PDXDC1: variants seen among roughly 807,000 people sequenced by gnomAD.
PDXDC1 encodes the protein pyridoxal dependent decarboxylase domain containing 1, also known as pyridoxal-dependent decarboxylase domain-containing protein 1.
Under a neutral mutation model 100.1 loss-of-function variants are expected in PDXDC1, and 42 were observed. The observed-to-expected ratio is 0.42, with a 90% CI of 0.33 to 0.54. PDXDC1 has a LOEUF of 0.54. Among genes scored for constraint, PDXDC1 ranks in the 20% least tolerant of loss-of-function variants. PDXDC1 has a pLI of 0.10. For synonymous variants in PDXDC1, 260 were observed against 371.7 expected, an observed-to-expected ratio of 0.70 and a Z score of 3.46; for missense variants, 636 against 979.2, an observed-to-expected ratio of 0.65 and a Z score of 4.68.
At chr16:14,985,221 G>A (rs1305516561) in intron 1 of PDXDC1, among the ~76,000 whole-genome samples, 1 of 152,050 alleles carries the variant, frequency 6.6e-6, no homozygotes, top group Non-Finnish European at 1.5e-5. Flanking sequence ...CAAATCTTAG[G>A]CTCTAAAGAC....
At chr16:15,142,559 G>C (rs1001576806), downstream of PDXDC1, among the ~76,000 whole-genome samples, 6 of 152,100 alleles carry the variant, frequency 3.9e-5, no homozygotes, top group Admixed American at 3.3e-4. Flanking sequence ...GTGCCCCCTG[G>C]GTGTGGAAGC....
chr16:15,061,627 G>A, intron 16 of PDXDC1: 1 of 917,442 alleles, frequency 1.1e-6, no homozygotes, highest in South Asian at 2.0e-5. Flanking sequence ...CCACAGCCGA[G>A]GCAGGCACTC....
In PDXDC1 at chr16:15,037,747, T is replaced by A. The variant is rs1225265453; in HGVS notation, c.*1472T>A. On this transcript the variant is annotated 3_prime_UTR_variant, in exon 23 of 23. Coordinates refer to ENST00000396410, the MANE Select transcript of PDXDC1 (RefSeq NM_015027.4). ...GACTTACCCACGTACCTGAAATAGC[T>A]GCCGATAGACCAGTGAGAGGTAGGT... The A allele has an allele frequency of 1.7e-5, 5 of 292,894 alleles. No homozygotes were observed. The highest frequency in any genetic ancestry group is 2.5e-5 in the Non-Finnish European group (4 of 160,248). 18.1% of individuals were successfully genotyped at this position (292,894 alleles called of 1,614,324 possible).
chr16:15,131,499 C>A (rs945510246), intron 16 of PDXDC1: 93 of 1,607,432 alleles, frequency 5.8e-5, no homozygotes, highest in Middle Eastern at 4.5e-4. Context: ...GCAGGCTCCG[C>A]GGGTCCGAGC....
chr16:15,086,678 T>C (rs1043117854), intron 16 of PDXDC1, among the ~76,000 whole-genome samples: 13 of 152,288 alleles, frequency 8.5e-5, no homozygotes, highest in African/African-American at 2.9e-4. Context: ...GGAGAAAGAC[T>C]TAAATGCAAT....
intron 16 of PDXDC1, among the ~76,000 whole-genome samples, chr16:15,075,262 A>C (rs1230749225): frequency 2.6e-5 from 4 of 151,730 alleles, no homozygotes; most frequent in East Asian, 1.9e-4. Context: ...AAAAAAAAAA[A>C]AAAAAACTAA....
intron 16 of PDXDC1, among the ~76,000 whole-genome samples, chr16:15,063,723 GA>G (rs1214508290): frequency 5.0e-5 from 6 of 118,884 alleles, no homozygotes; most frequent in African/African-American, 1.4e-4. Flanking sequence ...AAAAAAAAAA[GA>G]AAAAAACAAA....
Position 15,033,300 on chromosome 16 carries a change from G to C in PDXDC1, c.1713G>C (p.Lys571Asn). The C allele has an allele frequency of 1.9e-6, 3 of 1,614,208 alleles. No homozygotes were observed. The highest frequency in any genetic ancestry group is 2.5e-6 in the Non-Finnish European group (3 of 1,180,030). ...FKIGPEYKSM[K>N]SCLYVGMASD... ...CAGGCCCTGAGTATAAGAGCATGAA[G>C]AGCTGCCTTTATGTCGGCATGGCGA... is the stretch of plus-strand genomic sequence containing the variant. The change falls in exon 19 of 23, where the codon AAG becomes AAC. Residue 571 changes from lysine to asparagine, a missense_variant. Physicochemically the swap from Lys to Asn is moderately conservative, Grantham distance 94. Coordinates refer to ENST00000396410, the MANE Select transcript of PDXDC1 (RefSeq NM_015027.4).
At chr16:15,086,514 C>T (rs2045921788) in intron 16 of PDXDC1, 4 of 1,604,764 alleles carry the variant, frequency 2.5e-6, no homozygotes, top group Admixed American at 1.7e-5. Flanking sequence ...CAGAAATTTA[C>T]AGCTATCTTA....
Position 15,101,917 on chromosome 16 carries a change from T to C in PDXDC1, c.1400-36962T>C, listed in dbSNP as rs1416159428. Among the ~76,000 whole-genome samples the C allele has an allele frequency of 2.0e-5, 3 of 151,442 alleles. No homozygotes were observed. In the South Asian group the frequency reaches 6.3e-4, roughly 32 times the overall value. ...AGGCTGGACTGCAATGGCGTGATCT[T>C]GGCTCACCGCAACCTCCACCTCCTG... On this transcript the variant is annotated intron_variant, in intron 16 of 16. Coordinates refer to the PDXDC1 transcript ENST00000535621.
intron 16 of PDXDC1, chr16:15,131,040 C>G (rs764921509): frequency 7.2e-6 from 11 of 1,521,096 alleles, no homozygotes; most frequent in Non-Finnish European, 9.0e-6. Context: ...GCCTTCCCCC[C>G]AAGAACAAGG....
chr16:15,095,462 G>A (rs1013436284), intron 16 of PDXDC1, among the ~76,000 whole-genome samples: 3 of 152,332 alleles, frequency 2.0e-5, no homozygotes, highest in African/African-American at 7.2e-5. Context: ...TCGGGAGGCT[G>A]AGGATTGCTT....
At position 15,076,340 on chromosome 16, in the gene PDXDC1, C is replaced by T; in HGVS notation, c.1399+46284C>T. The T allele has an allele frequency of 5.0e-6, 3 of 598,676 alleles. No homozygotes were observed. The East Asian group carries it at 8.2e-5, about 16-fold the overall frequency. 37.1% of individuals were successfully genotyped at this position (598,676 alleles called of 1,614,324 possible). A position where few individuals can be genotyped will look rare whatever the true frequency, so the allele number is the denominator to read the frequency against. On this transcript the variant is annotated intron_variant, in intron 16 of 16. Coordinates refer to the PDXDC1 transcript ENST00000535621. ...GAAAGTTACAAGAACAAAAGTGAAACATACTTCACCAAACCCAAATTCAAA... is the reference window on the plus strand; with the variant it reads ...GAAAGTTACAAGAACAAAAGTGAAATATACTTCACCAAACCCAAATTCAAA...
At chr16:15,041,396 G>A (rs998779083), downstream of PDXDC1, among the ~76,000 whole-genome samples, 1 of 152,066 alleles carries the variant, frequency 6.6e-6, no homozygotes, top group African/African-American at 2.4e-5. Context: ...CTGAGATCCA[G>A]TGCCCTCCTT....
chr16:14,979,549 C>T (rs1967477240), intron 1 of PDXDC1, among the ~76,000 whole-genome samples: 1 of 152,280 alleles, frequency 6.6e-6, no homozygotes, highest in Non-Finnish European at 1.5e-5. Flanking sequence ...CTCGGCCTCC[C>T]AAAGTGCTGG....
chr16:15,078,804 A>AT (rs1156857713), intron 16 of PDXDC1, among the ~76,000 whole-genome samples: 26 of 129,514 alleles, frequency 2.0e-4, no homozygotes, highest in African/African-American at 6.9e-4. Context: ...TCCTCTTCGT[A>AT]TTTTTTTCTT....
intron 13 of PDXDC1, chr16:15,025,722 A>G (rs1314480666): frequency 3.3e-5 from 5 of 152,854 alleles, no homozygotes; most frequent in African/African-American, 9.6e-5. Flanking sequence ...TAGTACTGGG[A>G]TTGTTGGATG....
intron 16 of PDXDC1, chr16:15,055,920 C>T (rs902106682): frequency 3.2e-6 from 4 of 1,232,694 alleles, no homozygotes; most frequent in Non-Finnish European, 3.0e-6. Flanking sequence ...CGGACGAGGT[C>T]CCCGGCTGAC....
intron 16 of PDXDC1, among the ~76,000 whole-genome samples, chr16:15,109,879 T>A (rs11866897): frequency 0.12 from 15,892 of 130,380 alleles, 1,360 homozygotes; most frequent in East Asian, 0.24. Flanking sequence ...AAAGGCTGGG[T>A]GTGGTGGCTC....
Sources: allele counts gnomAD v4.1 joint callset (sites outside exome capture counted in the v4.1 genomes callset), GRCh38; gene constraint gnomAD v4.1.1; transcripts MANE v1.5; gene names NCBI Gene and HGNC (gene_info 2026-07-23, HGNC 2026-07-21).